GOLGA8J: variants seen among roughly 807,000 people sequenced by gnomAD.
GOLGA8J encodes golgin subfamily A member 8J.
Under a neutral mutation model 67.7 loss-of-function variants are expected in GOLGA8J, and 19 were observed. The observed-to-expected ratio is 0.28, with a 90% CI of 0.20 to 0.41. GOLGA8J has a LOEUF of 0.41. Among genes scored for constraint, GOLGA8J ranks in the 10% least tolerant of loss-of-function variants. GOLGA8J has a pLI of 1.00. For missense variants in GOLGA8J, 205 were observed against 584.3 expected, an observed-to-expected ratio of 0.35 and a Z score of 6.69; for synonymous variants, 69 against 215.9, an observed-to-expected ratio of 0.32 and a Z score of 5.97.
intron 8 of GOLGA8J, among the ~76,000 whole-genome samples, 159 bp from the exon 9 acceptor site, chr15:30,088,581 C>T (rs1161605181): frequency 6.8e-6 from 1 of 147,946 alleles, no homozygotes; most frequent in Non-Finnish European, 1.5e-5. Context: ...TCCGTTCCAA[C>T]TTTACTGAGT....
chr15:30,090,614 G>A (rs2057390094), intron 13 of GOLGA8J, among the ~76,000 whole-genome samples: 2 of 135,106 alleles, frequency 1.5e-5, no homozygotes, highest in South Asian at 2.5e-4. Context: ...GCTGAGGCAG[G>A]AGAATCACTT....
chr15:30,090,388 G>A (rs2057386523), intron 13 of GOLGA8J, 108 bp downstream of exon 13: 1 of 1,522,104 alleles, frequency 6.6e-7, no homozygotes, highest in Non-Finnish European at 8.8e-7. Context: ...CCTGGGGGCT[G>A]GTGACCACAG....
intron 2 of GOLGA8J, among the ~76,000 whole-genome samples, chr15:30,085,265 G>A (rs374117247): frequency 0.056 from 5,389 of 96,562 alleles, 260 homozygotes; most frequent in South Asian, 0.11. Context: ...TGGTGACAGA[G>A]CAAGACTCTG....
At position 30,094,766 on chromosome 15, in the gene GOLGA8J, CATTATT is replaced by C. The variant is rs2057451538; in HGVS notation, c.*1270_*1275del. Among the ~76,000 whole-genome samples the C allele has an allele frequency of 7.6e-6, 1 of 130,754 alleles. No individual in the cohort carries two copies. The highest frequency in any genetic ancestry group is 7.0e-5 in the Admixed American group (1 of 14,348). The allele number at this position is 130,754 out of a possible 152,430, so 85.8% of individuals were successfully genotyped here. A position where few individuals can be genotyped will look rare whatever the true frequency, so the allele number is the denominator to read the frequency against. ...AAAACACTTTAAAAAATAATAGAAA[CATTATT>C]ATAAACTAATATATGTGAGATACTT... On this transcript the variant is annotated 3_prime_UTR_variant, in exon 19 of 19. Coordinates refer to ENST00000567927, the MANE Select transcript of GOLGA8J (RefSeq NM_001282472.2).
Position 30,089,948 on chromosome 15 carries a change from A to C in GOLGA8J, c.1123A>C (p.Lys375Gln), listed in dbSNP as rs3964770. The C allele has an allele frequency of 2.0e-6, 3 of 1,523,334 alleles. No individual in the cohort carries two copies. Among genetic ancestry groups the C allele is most frequent in the South Asian group, 1.2e-5 (1 of 84,098 alleles). The allele number at this position is 1,523,334 out of a possible 1,614,324, so 94.4% of individuals were successfully genotyped here. ...GCTGGCCAAGCCACAGAGCGTCTTC[A>C]AGGAGCCGGTGCGTTGCCCAAACTG... ...QQLAKPQSVF[K>Q]EPNNENKNAL... The change falls in exon 12 of 19, where the codon AAG becomes CAG. Residue 375 changes from lysine to glutamine, a missense_variant. Transcript: ENST00000567927.
At position 30,094,623 on chromosome 15, in the gene GOLGA8J, C is replaced by T. The variant is rs1423307843; in HGVS notation, c.*1124C>T. Among the ~76,000 whole-genome samples the T allele has an allele frequency of 3.1e-5, 4 of 127,048 alleles. No individual in the cohort carries two copies. The highest frequency in any genetic ancestry group is 4.6e-5 in the African/African-American group (1 of 21,580). The allele number at this position is 127,048 out of a possible 152,430, so 83.3% of individuals were successfully genotyped here. Reference sequence around the variant, plus strand: ...GACACCTGGCATTCCTCTCTGTTCACGGAGATTCTTTGAGGCTTGAAGATT... The same window carrying T: ...GACACCTGGCATTCCTCTCTGTTCATGGAGATTCTTTGAGGCTTGAAGATT... On this transcript the variant is annotated 3_prime_UTR_variant, in exon 19 of 19. Transcript: ENST00000567927.
Position 30,094,108 on chromosome 15 carries a change from C to A in GOLGA8J, c.*609C>A, listed in dbSNP as rs1465441922. On this transcript the variant is annotated 3_prime_UTR_variant, in exon 19 of 19. Transcript: ENST00000567927. ...GTGTGTTGGTGATGGGAGTGATAAC[C>A]TTTTGGGGGAGCTTTTTAAATCTCA... Among the ~76,000 whole-genome samples the A allele has an allele frequency of 3.4e-5, 5 of 147,084 alleles. No homozygotes were observed. The highest frequency in any genetic ancestry group is 7.9e-5 in the African/African-American group (3 of 37,990).
At position 30,095,099 on chromosome 15, in the gene GOLGA8J, A is replaced by G. The variant is rs373599067; in HGVS notation, c.*1600A>G. 4.9e-3 allele frequency among the ~76,000 whole-genome samples: 705 copies of G among 144,328 alleles called. 7 individuals are homozygous for G. Among genetic ancestry groups the G allele is most frequent in the African/African-American group, 0.015 (548 of 35,520 alleles). 94.7% of individuals were successfully genotyped at this position (144,328 alleles called of 152,430 possible). On this transcript the variant is annotated 3_prime_UTR_variant, in exon 19 of 19. Transcript: ENST00000567927. ...ATTTCAGTTATATATTGCCTAAATC[A>G]TAACTTGATGATGCTTGGGAAAGAC...
chr15:30,092,887 G>A lies in GOLGA8J; in HGVS notation c.1470-4G>A, dbSNP rs202065723. On this transcript the variant is annotated splice_polypyrimidine_tract_variant and splice_region_variant and intron_variant, in intron 16 of 18. Transcript: ENST00000567927. ...CCCAGCGTCTGAGCCCTGTCCTCCC[G>A]CAGGAAAACCCATCACCTTTTATCA... 5,057 of 1,425,220 alleles carry A rather than the reference G, an allele frequency of 3.5e-3. 82 individuals are homozygous for A. The highest frequency in any genetic ancestry group is 4.7e-3 in the Admixed American group (267 of 57,330). The allele number at this position is 1,425,220 out of a possible 1,614,324, so 88.3% of individuals were successfully genotyped here. A position where few individuals can be genotyped will look rare whatever the true frequency, so the allele number is the denominator to read the frequency against.
In GOLGA8J at chr15:30,090,031, G is replaced by A. The variant is rs1435556519; in HGVS notation, c.1131+75G>A. The A allele has an allele frequency of 8.5e-6, 12 of 1,414,846 alleles. 2 individuals are homozygous for A. Among genetic ancestry groups the A allele is most frequent in the Non-Finnish European group, 1.1e-5 (12 of 1,079,068 alleles). The allele number at this position is 1,414,846 out of a possible 1,614,324, so 87.6% of individuals were successfully genotyped here. On this transcript the variant is annotated intron_variant, in intron 12 of 18. Coordinates refer to ENST00000567927, the MANE Select transcript of GOLGA8J (RefSeq NM_001282472.2). Reference sequence around the variant, plus strand: ...CTTTGTTTCCCCACCTCTAAAATGGGGCAGTGTAGCCCTCACATGAAATGT... The same window carrying A: ...CTTTGTTTCCCCACCTCTAAAATGGAGCAGTGTAGCCCTCACATGAAATGT...
Position 30,094,386 on chromosome 15 carries a change from G to A in GOLGA8J, c.*887G>A, listed in dbSNP as rs775047537. On this transcript the variant is annotated 3_prime_UTR_variant, in exon 19 of 19. Transcript: ENST00000567927. ...TGTGGGAAACCTTTCCTAGCTTAGAGCATTTGTATCTACAATACATTTTAA... is the reference window on the plus strand; with the variant it reads ...TGTGGGAAACCTTTCCTAGCTTAGAACATTTGTATCTACAATACATTTTAA... Among the ~76,000 whole-genome samples, 4 of 147,502 alleles carry A rather than the reference G, an allele frequency of 2.7e-5. No homozygotes were observed. Among genetic ancestry groups the A allele is most frequent in the Non-Finnish European group, 4.4e-5 (3 of 67,624 alleles).
intron 8 of GOLGA8J, chr15:30,088,116 G>T (rs890534765): frequency 3.4e-5 from 14 of 411,684 alleles, no homozygotes; most frequent in Non-Finnish European, 5.5e-5. Context: ...TGTCTGCAAG[G>T]GTTCATAAAA....
chr15:30,096,155 G>T lies in GOLGA8J; in HGVS notation c.*2656G>T, dbSNP rs1189015655. Among the ~76,000 whole-genome samples the T allele has an allele frequency of 3.4e-5, 5 of 145,954 alleles. No individual in the cohort carries two copies. The highest frequency in any genetic ancestry group is 6.8e-5 in the Admixed American group (1 of 14,714). On this transcript the variant is annotated 3_prime_UTR_variant, in exon 19 of 19. Coordinates refer to ENST00000567927, the MANE Select transcript of GOLGA8J (RefSeq NM_001282472.2). Reference sequence around the variant, plus strand: ...CATCAGAAACATAGAATTTTAAACTGTGAGTTCCACTGAATACATTTTAAT... The same window carrying T: ...CATCAGAAACATAGAATTTTAAACTTTGAGTTCCACTGAATACATTTTAAT...
rs2057465630 is a variant in GOLGA8J, at chr15:30,096,224, A to G, written c.*2725A>G. ...AACACCTATTTAAAGATGGCAATAT[A>G]TAATAATCATTTTAAAAGTATTTGA... On this transcript the variant is annotated 3_prime_UTR_variant, in exon 19 of 19. Coordinates refer to ENST00000567927, the MANE Select transcript of GOLGA8J (RefSeq NM_001282472.2). 1.3e-5 allele frequency among the ~76,000 whole-genome samples: 2 copies of G among 150,434 alleles called. No homozygotes were observed. The highest frequency in any genetic ancestry group is 4.0e-4 in the East Asian group (2 of 4,996).
At chr15:30,089,429 G>C in intron 11 of GOLGA8J, 106 bp downstream of exon 11, 1 of 564,978 alleles carries the variant, frequency 1.8e-6, no homozygotes, top group Non-Finnish European at 3.1e-6. Flanking sequence ...CTTTGAGGCA[G>C]AGGGAAAGAG....
At position 30,095,421 on chromosome 15, in the gene GOLGA8J, G is replaced by A. The variant is rs1226987216; in HGVS notation, c.*1922G>A. Among the ~76,000 whole-genome samples the A allele has an allele frequency of 1.4e-5, 2 of 145,270 alleles. No homozygotes were observed. Among genetic ancestry groups the A allele is most frequent in the African/African-American group, 2.6e-5 (1 of 38,074 alleles). On this transcript the variant is annotated 3_prime_UTR_variant, in exon 19 of 19. Coordinates refer to ENST00000567927, the MANE Select transcript of GOLGA8J (RefSeq NM_001282472.2). The stretch of plus-strand genomic sequence containing the variant: ...TTCCAAATTTTATGAATGTATCAAT[G>A]TATTAGATAAACCCAGTTTCAGAAT...
At chr15:30,088,454 G>A in intron 8 of GOLGA8J, 1 of 532,134 alleles carries the variant, frequency 1.9e-6, no homozygotes, top group South Asian at 2.1e-5. Flanking sequence ...CACGGTACCT[G>A]GTGAAGCATT....
chr15:30,090,375 C>A (rs1327326912), intron 13 of GOLGA8J, 95 bp downstream of exon 13: 5 of 1,510,796 alleles, frequency 3.3e-6, no homozygotes, highest in Non-Finnish European at 3.5e-6. Context: ...AGGCAGCTTC[C>A]AGCCTGGGGG....
At chr15:30,090,405 C>A in intron 13 of GOLGA8J, 125 bp downstream of exon 13, 1 of 1,528,008 alleles carries the variant, frequency 6.5e-7, no homozygotes, top group Non-Finnish European at 8.8e-7. Context: ...ACAGCACCCC[C>A]CAGGGCAGTC....
Sources: gnomAD v4.1 joint callset for allele counts (sites outside exome capture counted in the v4.1 genomes callset) on GRCh38, gnomAD v4.1.1 for gene constraint, MANE v1.5 for transcripts, NCBI Gene and HGNC (gene_info 2026-07-23, HGNC 2026-07-21) for gene names.